Variants in ELAPOR2 observed in about 807,000 individuals in gnomAD.
ELAPOR2 encodes endosome-lysosome associated apoptosis and autophagy regulator family member 2.
In ELAPOR2, 89 loss-of-function variants were observed where a neutral mutation model predicts 120.7. That is an observed-to-expected ratio of 0.74 (90% CI 0.62 to 0.88). The LOEUF is 0.88. Ranked by LOEUF, ELAPOR2 falls within the 40% of genes least tolerant of loss-of-function variation. The probability of loss-of-function intolerance (pLI) is 0.00; values close to 1 mark genes in which losing one functional copy is unlikely to be tolerated. For synonymous variants in ELAPOR2, 444 were observed against 444.9 expected, an observed-to-expected ratio of 1.00 and a Z score of 0.03; for missense variants, 1,134 against 1,251.6, an observed-to-expected ratio of 0.91 and a Z score of 1.42.
intron 1 of ELAPOR2, among the ~76,000 whole-genome samples, chr7:87,012,704 G>C (rs1244420477): frequency 2.0e-5 from 3 of 152,094 alleles, no homozygotes; most frequent in Non-Finnish European, 2.9e-5. Flanking sequence ...AATAAAATAG[G>C]AGTTAATCTC....
intron 1 of ELAPOR2, among the ~76,000 whole-genome samples, chr7:86,985,160 A>C (rs2116572091): frequency 6.6e-6 from 1 of 152,358 alleles, no homozygotes; most frequent in Admixed American, 6.5e-5. Context: ...TGAATCTCTG[A>C]ATAGACCAAT....
chr7:86,909,790 A>T, intron 16 of ELAPOR2, 22 bp downstream of exon 16: 1 of 1,578,856 alleles, frequency 6.3e-7, no homozygotes, highest in Non-Finnish European at 8.6e-7. Context: ...ATGCATGCAT[A>T]TATGAACCAA....
chr7:86,953,936 G>C (rs1007917167), intron 2 of ELAPOR2, among the ~76,000 whole-genome samples: 1 of 152,128 alleles, frequency 6.6e-6, no homozygotes, highest in Non-Finnish European at 1.5e-5. Context: ...GAGGTCATTT[G>C]CTGCACTCAC....
intron 19 of ELAPOR2, among the ~76,000 whole-genome samples, chr7:86,896,476 C>A (rs1295453802): frequency 6.6e-6 from 1 of 152,078 alleles, no homozygotes. Context: ...TGATTTCATT[C>A]CTCTCAAGCT....
chr7:87,027,875 C>T (rs1395296830), intron 1 of ELAPOR2, among the ~76,000 whole-genome samples: 2 of 151,944 alleles, frequency 1.3e-5, no homozygotes, highest in Non-Finnish European at 1.5e-5. Flanking sequence ...AAAGGATATC[C>T]CCAAACTAGA....
chr7:87,025,431 AT>A lies in ELAPOR2; in HGVS notation c.189+33893del, dbSNP rs374094939. Among the ~76,000 whole-genome samples the A allele has an allele frequency of 1.2e-4, 19 of 152,260 alleles. No homozygotes were observed. In the East Asian group the frequency reaches 1.5e-3, roughly 12 times the overall value. On this transcript the variant is annotated intron_variant, in intron 1 of 21. Coordinates refer to ENST00000450689, the MANE Select transcript of ELAPOR2 (RefSeq NM_001142749.3). ...GTCAAGCTTGGAAAGGACTTTACAG[AT>A]GATCTAAACCAGTCTCTTTCTTTGC...
intron 1 of ELAPOR2, among the ~76,000 whole-genome samples, chr7:86,994,327 G>A (rs1793052638): frequency 6.6e-6 from 1 of 152,112 alleles, no homozygotes; most frequent in Non-Finnish European, 1.5e-5. Flanking sequence ...GATTTAGGAG[G>A]TATAACAATG....
chr7:86,996,227 A>G (rs1360285233), intron 1 of ELAPOR2, among the ~76,000 whole-genome samples: 1 of 152,228 alleles, frequency 6.6e-6, no homozygotes, highest in Non-Finnish European at 1.5e-5. Flanking sequence ...GGAGAGCTCT[A>G]CTTTAAATAG....
At chr7:87,052,776 C>CT (rs139503925) in intron 1 of ELAPOR2, among the ~76,000 whole-genome samples, 1 of 146,994 alleles carries the variant, frequency 6.8e-6, no homozygotes, top group Non-Finnish European at 1.5e-5. Flanking sequence ...GGTTTGTTTT[C>CT]TTTTGTTTTG....
chr7:86,974,580 AGTGTGTGTGT>A (rs35712048), intron 1 of ELAPOR2, among the ~76,000 whole-genome samples: 196 of 138,826 alleles, frequency 1.4e-3, no homozygotes, highest in African/African-American at 3.8e-3. Context: ...GAACCCCTGT[AGTGTGTGTGT>A]GTGTGTGTGT....
At chr7:87,039,905 G>A (rs1311005343) in intron 1 of ELAPOR2, among the ~76,000 whole-genome samples, 1 of 152,148 alleles carries the variant, frequency 6.6e-6, no homozygotes, top group Non-Finnish European at 1.5e-5. Context: ...GCAGGTCAGT[G>A]GGTGCGCGCA....
At chr7:86,974,580 AGTGTGTGTGTGTGTGT>A (rs35712048) in intron 1 of ELAPOR2, among the ~76,000 whole-genome samples, 4 of 138,828 alleles carry the variant, frequency 2.9e-5, no homozygotes, top group Admixed American at 7.2e-5. Flanking sequence ...GAACCCCTGT[AGTGTGTGTGTGTGTGT>A]GTGTGTGTGT....
chr7:86,924,745 C>CT (rs375956879), intron 10 of ELAPOR2, among the ~76,000 whole-genome samples: 43 of 146,546 alleles, frequency 2.9e-4, no homozygotes, highest in East Asian at 9.9e-4. Flanking sequence ...ATGACTCAAG[C>CT]TTTTTTTTTT....
chr7:87,043,790 T>C (rs1165561401), intron 1 of ELAPOR2, among the ~76,000 whole-genome samples: 1 of 151,396 alleles, frequency 6.6e-6, no homozygotes, highest in Non-Finnish European at 1.5e-5. Context: ...AAATAAAGGG[T>C]ATTCAATTAG....
rs77194595 is a variant in ELAPOR2 at position 87,052,776 on chromosome 7, CTTTTGTTTTG to C, written c.189+6539_189+6548del. ...ATATTCTGATCACAGGGTTTGTTTT[CTTTTGTTTTG>C]TTTTGTTTTGTTTTGTTTTGTTTTG... On this transcript the variant is annotated intron_variant, in intron 1 of 21. Coordinates refer to ENST00000450689, the MANE Select transcript of ELAPOR2 (RefSeq NM_001142749.3). Among the ~76,000 whole-genome samples, 1,257 of 147,086 alleles carry C rather than the reference CTTTTGTTTTG, an allele frequency of 8.5e-3. 17 individuals are homozygous for C. Among genetic ancestry groups the C allele is most frequent in the African/African-American group, 0.02 (778 of 38,238 alleles).
intron 1 of ELAPOR2, among the ~76,000 whole-genome samples, chr7:87,002,372 T>C (rs895722353): frequency 1.3e-5 from 2 of 152,134 alleles, no homozygotes; most frequent in Admixed American, 1.3e-4. Flanking sequence ...ACAGTTGGCT[T>C]CTGCAGCAGC....
chr7:86,896,502 G>T (rs1227215015), intron 19 of ELAPOR2, among the ~76,000 whole-genome samples: 1 of 152,054 alleles, frequency 6.6e-6, no homozygotes, highest in East Asian at 1.9e-4. Context: ...CCTTCATCCT[G>T]CTAACTGCAA....
At chr7:87,000,566 T>C (rs1793285553) in intron 1 of ELAPOR2, among the ~76,000 whole-genome samples, 2 of 152,160 alleles carry the variant, frequency 1.3e-5, no homozygotes, top group Admixed American at 6.6e-5. Context: ...GCTTTCATTA[T>C]TCTGCCTTTG....
At chr7:87,034,613 T>G (rs1794524424) in intron 1 of ELAPOR2, among the ~76,000 whole-genome samples, 1 of 152,092 alleles carries the variant, frequency 6.6e-6, no homozygotes, top group African/African-American at 2.4e-5. Flanking sequence ...TTGGTTCAAG[T>G]TATTTCCTGC....
Sources: gnomAD v4.1 joint callset for allele counts (sites outside exome capture counted in the v4.1 genomes callset) on GRCh38, gnomAD v4.1.1 for gene constraint, MANE v1.5 for transcripts, NCBI Gene and HGNC (gene_info 2026-07-23, HGNC 2026-07-21) for gene names.